The following CFAP299 variants were observed in gnomAD, a reference collection of about 807,000 sequenced individuals.
CFAP299 encodes cilia- and flagella-associated protein 299.
CFAP299 carries 21 observed loss-of-function variants against 27.0 expected under a neutral mutation model. The ratio of observed to expected loss-of-function variants is 0.78; its 90% CI spans 0.55 to 1.12. The LOEUF (loss-of-function observed/expected upper bound fraction) is 1.12, where lower values mean the gene tolerates loss of function less well. Ranked by LOEUF, CFAP299 falls within the 50% of genes most tolerant of loss-of-function variation. The pLI is 0.00. For synonymous variants in CFAP299, 104 were observed against 98.1 expected, an observed-to-expected ratio of 1.06 and a Z score of -0.36; for missense variants, 310 against 276.6, an observed-to-expected ratio of 1.12 and a Z score of -0.86.
rs549238792 is a variant in CFAP299 at position 80,895,514 on chromosome 4, T to G, written c.476+25379T>G. Among the ~76,000 whole-genome samples, 3 of 152,138 alleles carry G rather than the reference T, an allele frequency of 2.0e-5. No individual in the cohort carries two copies. In the East Asian group the frequency reaches 5.8e-4, roughly 29 times the overall value. On this transcript the variant is annotated intron_variant, in intron 4 of 5. Transcript: ENST00000358105. ...TGTTTTCTGAATATATGCCTTTACA[T>G]TTTTTCACAAATATATGTTTTGTCT...
At chr4:80,751,239 C>G (rs992923789) in intron 3 of CFAP299, among the ~76,000 whole-genome samples, 8 of 152,186 alleles carry the variant, frequency 5.3e-5, no homozygotes, top group Middle Eastern at 6.8e-3. Context: ...CAGTTGCCAG[C>G]CTGAACACAC....
intron 2 of CFAP299, among the ~76,000 whole-genome samples, chr4:80,469,826 T>G (rs541585437): frequency 2.0e-5 from 3 of 152,312 alleles, no homozygotes; most frequent in Admixed American, 6.5e-5. Context: ...TTCTTGTATA[T>G]TTACCTGCTC....
upstream of CFAP299, chr4:80,335,700 G>A (rs1722095952): frequency 1.1e-6 from 1 of 895,770 alleles, no homozygotes. Context: ...CAGGAACGAA[G>A]TGGGTGGAGC....
chr4:80,734,503 G>A (rs542337796), intron 3 of CFAP299, among the ~76,000 whole-genome samples: 1 of 152,142 alleles, frequency 6.6e-6, no homozygotes, highest in African/African-American at 2.4e-5. Context: ...TGCTTTGGTT[G>A]CCTGTGCTTG....
rs1256836061 is a variant in CFAP299, at chr4:80,782,629, A to G, written c.334-87364A>G. Among the ~76,000 whole-genome samples, 5 of 107,352 alleles carry G rather than the reference A, an allele frequency of 4.7e-5. 1 individual carries two copies. Among genetic ancestry groups the G allele is most frequent in the Non-Finnish European group, 8.3e-5 (4 of 48,308 alleles). 70.4% of individuals were successfully genotyped at this position (107,352 alleles called of 152,430 possible). ...ACATATATTAATATATAATATATTC[A>G]TATATAATATACATATATGAATATA... On this transcript the variant is annotated intron_variant, in intron 3 of 5. Transcript: ENST00000358105.
intron 3 of CFAP299, among the ~76,000 whole-genome samples, chr4:80,794,934 C>T (rs1727766076): frequency 1.3e-5 from 2 of 152,114 alleles, no homozygotes; most frequent in Non-Finnish European, 2.9e-5. Flanking sequence ...CAACAGTGGC[C>T]ATAGCCAGGT....
At chr4:80,539,198 A>G (rs1280067275) in intron 2 of CFAP299, among the ~76,000 whole-genome samples, 1 of 152,234 alleles carries the variant, frequency 6.6e-6, no homozygotes, top group African/African-American at 2.4e-5. Flanking sequence ...CTCAGGTTAT[A>G]CATCTTGCCT....
intron 2 of CFAP299, among the ~76,000 whole-genome samples, chr4:80,504,113 T>C (rs560410870): frequency 1.3e-5 from 2 of 152,136 alleles, no homozygotes; most frequent in East Asian, 3.9e-4. Context: ...ATGCTTATTA[T>C]GGGGAGGAGA....
intron 4 of CFAP299, among the ~76,000 whole-genome samples, chr4:80,878,886 A>C (rs950863408): frequency 2.2e-4 from 33 of 152,122 alleles, no homozygotes; most frequent in African/African-American, 6.8e-4. Context: ...GTCTTATCAG[A>C]GATAGTTTGT....
intron 3 of CFAP299, among the ~76,000 whole-genome samples, chr4:80,704,382 A>T (rs936219239): frequency 6.6e-6 from 1 of 151,674 alleles, no homozygotes; most frequent in African/African-American, 2.4e-5. Context: ...TAAGAAGAGT[A>T]GAAAAGGCCT....
chr4:80,471,715 A>G (rs1461760212), intron 2 of CFAP299, among the ~76,000 whole-genome samples: 2 of 152,100 alleles, frequency 1.3e-5, no homozygotes, highest in East Asian at 3.9e-4. Context: ...ATTTAAATTG[A>G]GGATTATTAA....
At chr4:80,599,504 A>G (rs535725687) in intron 3 of CFAP299, among the ~76,000 whole-genome samples, 206 of 152,262 alleles carry the variant, frequency 1.4e-3, no homozygotes, top group Admixed American at 2.5e-3. Context: ...ATAGAGGTAA[A>G]GTGATGTAGT....
chr4:80,863,789 T>C (rs1481018145), intron 3 of CFAP299, among the ~76,000 whole-genome samples: 1 of 152,136 alleles, frequency 6.6e-6, no homozygotes. Context: ...CTAAGGAAAA[T>C]ATGAATTTTG....
intron 3 of CFAP299, among the ~76,000 whole-genome samples, chr4:80,866,172 T>C (rs1732736901): frequency 6.8e-6 from 1 of 147,210 alleles, no homozygotes; most frequent in Non-Finnish European, 1.5e-5. Flanking sequence ...TTACATTTGT[T>C]CTATGCAGGT....
At chr4:80,515,995 G>A (rs1421337869) in intron 2 of CFAP299, among the ~76,000 whole-genome samples, 1 of 149,390 alleles carries the variant, frequency 6.7e-6, no homozygotes, top group East Asian at 2.0e-4. Flanking sequence ...CTAGTGGGAT[G>A]TGTTAGTCTG....
At chr4:80,579,799 T>TC (rs1736074772) in intron 2 of CFAP299, among the ~76,000 whole-genome samples, 1 of 152,086 alleles carries the variant, frequency 6.6e-6, no homozygotes, top group South Asian at 2.1e-4. Context: ...CACAAATATA[T>TC]AGATACATTG....
chr4:80,518,373 C>G (rs1225875909), intron 2 of CFAP299, among the ~76,000 whole-genome samples: 1 of 152,022 alleles, frequency 6.6e-6, no homozygotes, highest in African/African-American at 2.4e-5. Context: ...CTGGGGGCAT[C>G]ATTAAGGATT....
chr4:80,851,301 A>AAC (rs1731509111), intron 3 of CFAP299, among the ~76,000 whole-genome samples: 1 of 152,154 alleles, frequency 6.6e-6, no homozygotes, highest in Non-Finnish European at 1.5e-5. Context: ...AAATATTTTT[A>AAC]AGCATCTACT....
At position 80,695,513 on chromosome 4, in the gene CFAP299, G is replaced by A. The variant is rs1721031067; in HGVS notation, c.333+112330G>A. On this transcript the variant is annotated intron_variant, in intron 3 of 5. Coordinates refer to ENST00000358105, the MANE Select transcript of CFAP299 (RefSeq NM_152770.3). ...AAGACCCGAATGGATGTGGGCTTTT[G>A]TGTAAACATTGTTTGTATTGTTTCC... Among the ~76,000 whole-genome samples the A allele has an allele frequency of 2.0e-5, 3 of 152,216 alleles. No individual in the cohort carries two copies. In the South Asian group the frequency reaches 6.2e-4, roughly 32 times the overall value.
Sources: allele counts gnomAD v4.1 joint callset (sites outside exome capture counted in the v4.1 genomes callset), GRCh38; gene constraint gnomAD v4.1.1; transcripts MANE v1.5; gene names NCBI Gene and HGNC (gene_info 2026-07-23, HGNC 2026-07-21).